Variants in CD5 observed in about 807,000 individuals in gnomAD.
CD5 encodes CD5 molecule.
In CD5, 36 loss-of-function variants were observed where a neutral mutation model predicts 60.3. The ratio of observed to expected loss-of-function variants is 0.60; its 90% CI spans 0.46 to 0.79. The LOEUF (loss-of-function observed/expected upper bound fraction) is 0.79, where lower values mean the gene tolerates loss of function less well. CD5 is among the 30% of genes least tolerant of loss of function. The probability of loss-of-function intolerance (pLI) is 0.00; values close to 1 mark genes in which losing one functional copy is unlikely to be tolerated. For missense variants in CD5, 540 were observed against 630.6 expected, an observed-to-expected ratio of 0.86 and a Z score of 1.54; for synonymous variants, 230 against 257.6, an observed-to-expected ratio of 0.89 and a Z score of 1.03.
chr11:61,109,539 C>CA (rs1860822849), intron 1 of CD5, among the ~76,000 whole-genome samples: 1 of 151,348 alleles, frequency 6.6e-6, no homozygotes, highest in Non-Finnish European at 1.5e-5. Context: ...TAATTTGGCT[C>CA]AAAAAATTTT....
rs199921944 is a variant in CD5 at position 61,114,846 on chromosome 11, GA to G, written c.56-202del. 2.0e-5 allele frequency among the ~76,000 whole-genome samples: 3 copies of G among 151,680 alleles called. No homozygotes were observed. The East Asian group carries it at 5.8e-4, about 29-fold the overall frequency. ...TTTTAAAAGTAACGTTTTTTAAGAA[GA>G]AAAAAAATCGATAGTTGCAGCCCAC... is the stretch of plus-strand genomic sequence containing the variant. On this transcript the variant is annotated intron_variant, in intron 1 of 10. Transcript: ENST00000347785.
At chr11:61,106,124 CAA>C (rs36003583) in intron 1 of CD5, among the ~76,000 whole-genome samples, 32 of 81,866 alleles carry the variant, frequency 3.9e-4, no homozygotes, top group African/African-American at 1.4e-3. Context: ...GACTCCATCT[CAA>C]AAAAAAAAAA....
intron 1 of CD5, among the ~76,000 whole-genome samples, chr11:61,108,110 T>C (rs1565183053): frequency 1.3e-5 from 2 of 152,202 alleles, no homozygotes; most frequent in Non-Finnish European, 2.9e-5. Flanking sequence ...GAGGTGAGCA[T>C]GGTCCCTTCT....
chr11:61,094,095 T>G, the CD5 span, among the ~76,000 whole-genome samples: 12 of 151,624 alleles, frequency 7.9e-5, no homozygotes, highest in Non-Finnish European at 2.9e-5. Flanking sequence ...AACGGACAGT[T>G]GAGGCAGCCC....
chr11:61,113,264 G>A (rs2134599977), intron 1 of CD5, among the ~76,000 whole-genome samples: 1 of 152,368 alleles, frequency 6.6e-6, no homozygotes, highest in East Asian at 1.9e-4. Flanking sequence ...GAATACAGAG[G>A]TTAAGCTTTG....
At chr11:61,103,713 TG>T (rs1860735225) in intron 1 of CD5, among the ~76,000 whole-genome samples, 2 of 144,284 alleles carry the variant, frequency 1.4e-5, no homozygotes, top group African/African-American at 5.3e-5. Context: ...GTGAGTACTG[TG>T]TGTAGGGGAA....
intron 8 of CD5, 146 bp from the exon 9 acceptor site, chr11:61,124,886 G>A: frequency 3.7e-6 from 3 of 816,196 alleles, no homozygotes; most frequent in East Asian, 2.8e-5. Flanking sequence ...GAAAGGAGAG[G>A]GGGATGCATT....
intron 6 of CD5, among the ~76,000 whole-genome samples, chr11:61,122,373 TGATGGATGGATGGATGGATGGATG>T (rs6144363): frequency 2.9e-4 from 34 of 116,760 alleles, no homozygotes; most frequent in South Asian, 6.5e-4. Flanking sequence ...GGTGGATGGA[TGATGGATGGATGGATGGATGGATG>T]GATGGATGGA....
Position 61,125,628 on chromosome 11 carries a change from G to T in CD5, c.1400-123G>T. 5 of 602,180 alleles carry T rather than the reference G, an allele frequency of 8.3e-6. No homozygotes were observed. In the South Asian group the frequency reaches 1.1e-4, roughly 13 times the overall value. The allele number at this position is 602,180 out of a possible 1,614,324, so 37.3% of individuals were successfully genotyped here. ...TGGCTGATTTGATCAAAACAGATAAGGGGTTGTCACCGGCTCATAAAGCCC... is the reference window on the plus strand; with the variant it reads ...TGGCTGATTTGATCAAAACAGATAATGGGTTGTCACCGGCTCATAAAGCCC... On this transcript the variant is annotated intron_variant, in intron 9 of 10. Coordinates refer to ENST00000347785, the MANE Select transcript of CD5 (RefSeq NM_014207.4).
intron 1 of CD5, among the ~76,000 whole-genome samples, chr11:61,108,434 T>C (rs17155674): frequency 0.082 from 12,519 of 152,264 alleles, 510 homozygotes; most frequent in Non-Finnish European, 0.1. Flanking sequence ...TGTGACTCTA[T>C]ATGTGTTTTG....
chr11:61,114,470 A>ACATACATG (rs1190394073), intron 1 of CD5, among the ~76,000 whole-genome samples: 1 of 151,916 alleles, frequency 6.6e-6, no homozygotes, highest in Non-Finnish European at 1.5e-5. Flanking sequence ...ATACATACAT[A>ACATACATG]CACACATACA....
rs888257436 is a variant in CD5, at chr11:61,118,756, C to T, written c.401-159C>T. ...CCATCTGTGAAGTGGGGTGGTACTT[C>T]CCGCCTCGCAGGAGGCTTAGAGACA... On this transcript the variant is annotated intron_variant, in intron 3 of 10. Transcript: ENST00000347785. This position sits in a 1 kb window ranked among gnomAD's most constrained non-coding sequence, Gnocchi z 4.7. Among the ~76,000 whole-genome samples the T allele has an allele frequency of 3.3e-5, 5 of 152,332 alleles. No individual in the cohort carries two copies. Among genetic ancestry groups the T allele is most frequent in the South Asian group, 4.1e-4 (2 of 4,830 alleles).
chr11:61,126,073 C>T (rs1278829848), intron 10 of CD5, among the ~76,000 whole-genome samples: 1 of 152,252 alleles, frequency 6.6e-6, no homozygotes, highest in East Asian at 1.9e-4. Flanking sequence ...AACTCTTAAA[C>T]TCCATTCGGA....
upstream of CD5, among the ~76,000 whole-genome samples, chr11:61,100,344 T>C (rs1190574494): frequency 1.5e-5 from 1 of 65,174 alleles, no homozygotes; most frequent in Non-Finnish European, 2.8e-5. Flanking sequence ...CACACACACA[T>C]CAACATGGAG....
At chr11:61,119,131 C>T (rs1258564350) in intron 4 of CD5, 103 bp from the exon 5 acceptor site, 24 of 1,231,090 alleles carry the variant, frequency 1.9e-5, no homozygotes, top group Middle Eastern at 2.0e-4. Context: ...CAAGGCTAAG[C>T]GTTAGTCAGT....
Position 61,103,841 on chromosome 11 carries a change from T to G in CD5, c.55+1226T>G, listed in dbSNP as rs543267586. On this transcript the variant is annotated intron_variant, in intron 1 of 10. Coordinates refer to ENST00000347785, the MANE Select transcript of CD5 (RefSeq NM_014207.4). ...TCTGGGCATGTGTGTGAGTACTGTG[T>G]GGGGGGGAATGTGTGAGTCTGTGTG... 2.8e-3 allele frequency among the ~76,000 whole-genome samples: 294 copies of G among 106,174 alleles called. 3 individuals carry two copies. The highest frequency in any genetic ancestry group is 0.011 in the African/African-American group (275 of 25,186). 69.7% of individuals were successfully genotyped at this position (106,174 alleles called of 152,430 possible).
At chr11:61,100,809 ACAT>A (rs1177102864), upstream of CD5, among the ~76,000 whole-genome samples, 5 of 141,244 alleles carry the variant, frequency 3.5e-5, no homozygotes, top group Non-Finnish European at 7.7e-5. Flanking sequence ...TCACACACAC[ACAT>A]CAACATGGAG....
rs745382544 is a variant in CD5, at chr11:61,118,808, G to A, written c.401-107G>A. ...CGTGTGGGTCAAGTGGACCTGGTGTGCCAAGCGGCACTCATGCCAGGAGCT... is the reference window on the plus strand; with the variant it reads ...CGTGTGGGTCAAGTGGACCTGGTGTACCAAGCGGCACTCATGCCAGGAGCT... On this transcript the variant is annotated intron_variant, in intron 3 of 10. Transcript: ENST00000347785. The surrounding 1 kb of genome is among the most constrained non-coding windows in gnomAD (Gnocchi z 4.7). 2.2e-5 allele frequency: 17 copies of A among 759,868 alleles called. No homozygotes were observed. The highest frequency in any genetic ancestry group is 3.8e-5 in the Non-Finnish European group (17 of 447,118). 47.1% of individuals were successfully genotyped at this position (759,868 alleles called of 1,614,324 possible).
At chr11:61,099,685 T>C (rs1471598295), upstream of CD5, among the ~76,000 whole-genome samples, 1 of 106,492 alleles carries the variant, frequency 9.4e-6, no homozygotes, top group African/African-American at 3.8e-5. Context: ...GAGATCAAAT[T>C]CACACATCAA....
Sources: gnomAD v4.1 joint callset for allele counts (sites outside exome capture counted in the v4.1 genomes callset) on GRCh38, gnomAD v4.1.1 for gene constraint, Gnocchi (gnomAD v3.1) non-coding constraint, MANE v1.5 for transcripts, NCBI Gene and HGNC (gene_info 2026-07-23, HGNC 2026-07-21) for gene names.